The following AGPAT5 variants were observed in gnomAD, a reference collection of about 807,000 sequenced individuals.
AGPAT5 encodes 1-acylglycerol-3-phosphate O-acyltransferase 5.
In AGPAT5, 46 loss-of-function variants were observed where a neutral mutation model predicts 45.6. That is an observed-to-expected ratio of 1.01 (90% confidence interval 0.80 to 1.29). The LOEUF is 1.29. Among genes scored for constraint, AGPAT5 ranks in the 50% most tolerant of loss-of-function variants. The probability of loss-of-function intolerance (pLI) is 0.00; values close to 1 mark genes in which losing one functional copy is unlikely to be tolerated. For missense variants in AGPAT5, 673 were observed against 450.7 expected (o/e 1.49, Z -4.47); for synonymous variants, 272 against 167.0 (o/e 1.63, Z -4.85).
chr8:6,723,459 C>G (rs571703926), intron 1 of AGPAT5, among the ~76,000 whole-genome samples: 1 of 152,148 alleles, frequency 6.6e-6, no homozygotes, highest in African/African-American at 2.4e-5. Flanking sequence ...ACCCCGCCCG[C>G]CCACTCCACC....
rs147047494 is a variant in AGPAT5, at chr8:6,757,164, A to G, written c.871A>G (p.Met291Val). The G allele has an allele frequency of 1.6e-3, 2,560 of 1,612,028 alleles. 37 individuals carry two copies. The highest frequency in any genetic ancestry group is 5.8e-4 in the Non-Finnish European group (684 of 1,179,032). ...LHERFEIKDKMLIEFYESPDP... is the reference protein window; with the variant it reads ...LHERFEIKDKVLIEFYESPDP... ...AAACTTTTTCCATTCTGGCCATAGG[A>G]TGCTTATAGAATTTTATGAGTCACC... is the stretch of plus-strand genomic sequence containing the variant. Residue 291 changes from methionine (M) to valine (V), a missense_variant and splice_region_variant, in exon 8 of 8, where the codon ATG becomes GTG. Met to Val is a conservative substitution (Grantham distance 21). Transcript: ENST00000285518.
intron 4 of AGPAT5, chr8:6,738,557 A>C (rs965932074): frequency 6.6e-6 from 1 of 152,244 alleles, no homozygotes; most frequent in African/African-American, 2.4e-5. Context: ...TGAGGTGAGC[A>C]CATACTGTTG....
intron 6 of AGPAT5, among the ~76,000 whole-genome samples, chr8:6,748,080 A>T (rs750308210): frequency 1.3e-5 from 2 of 152,118 alleles, no homozygotes; most frequent in Non-Finnish European, 2.9e-5. Flanking sequence ...TTTCTACTCA[A>T]AGTTCACACT....
intron 1 of AGPAT5, among the ~76,000 whole-genome samples, chr8:6,714,585 C>G (rs1316235005): frequency 1.3e-5 from 2 of 152,240 alleles, no homozygotes; most frequent in East Asian, 1.9e-4. Flanking sequence ...CATTCAAACA[C>G]TGCCACAATA....
Position 6,760,069 on chromosome 8 carries a change from A to C in AGPAT5, c.*2681A>C, listed in dbSNP as rs916831672. On this transcript the variant is annotated 3_prime_UTR_variant, in exon 8 of 8. Coordinates refer to ENST00000285518, the MANE Select transcript of AGPAT5 (RefSeq NM_018361.5). Reference sequence around the variant, plus strand: ...ATTTAGAGTGGCAACAATTTTGCTTAATATGGGTTACATAAGCTTTATTTT... The same window carrying C: ...ATTTAGAGTGGCAACAATTTTGCTTCATATGGGTTACATAAGCTTTATTTT... Among the ~76,000 whole-genome samples the C allele has an allele frequency of 3.9e-5, 6 of 152,196 alleles. No individual in the cohort carries two copies. The highest frequency in any genetic ancestry group is 7.3e-5 in the Non-Finnish European group (5 of 68,040).
chr8:6,731,177 T>C (rs1163246798), intron 3 of AGPAT5, among the ~76,000 whole-genome samples: 2 of 152,220 alleles, frequency 1.3e-5, no homozygotes, highest in Non-Finnish European at 2.9e-5. Flanking sequence ...AAATGTTATA[T>C]TTTAAAATTT....
chr8:6,719,650 A>G (rs1800438963), intron 1 of AGPAT5, among the ~76,000 whole-genome samples: 2 of 152,222 alleles, frequency 1.3e-5, no homozygotes, highest in Admixed American at 1.3e-4. Flanking sequence ...ACACCCCTGG[A>G]GATGGGTAGC....
chr8:6,718,913 T>G (rs1251633610), intron 1 of AGPAT5, among the ~76,000 whole-genome samples: 5 of 152,236 alleles, frequency 3.3e-5, no homozygotes, highest in African/African-American at 1.2e-4. Flanking sequence ...AGCAAGTACC[T>G]TAGAACTCTG....
rs540612416 is a variant in AGPAT5, at chr8:6,732,964, A to G, written c.495+314A>G. Among the ~76,000 whole-genome samples, 22 of 152,320 alleles carry G rather than the reference A, an allele frequency of 1.4e-4. No homozygotes were observed. The South Asian group carries it at 4.6e-3, about 32-fold the overall frequency. Reference sequence around the variant, plus strand: ...AACCTGACATTTAAGCTAGTTTACAAGCTCATCTTACTTCTTGTCTTCTTT... The same window carrying G: ...AACCTGACATTTAAGCTAGTTTACAGGCTCATCTTACTTCTTGTCTTCTTT... On this transcript the variant is annotated intron_variant, in intron 4 of 7. Coordinates refer to ENST00000285518, the MANE Select transcript of AGPAT5 (RefSeq NM_018361.5).
chr8:6,718,024 T>A (rs1800387923), intron 1 of AGPAT5, among the ~76,000 whole-genome samples: 1 of 152,206 alleles, frequency 6.6e-6, no homozygotes, highest in African/African-American at 2.4e-5. Context: ...AGTCTCAAGA[T>A]TCTCGTCCTT....
At chr8:6,717,533 C>A (rs1203660555) in intron 1 of AGPAT5, among the ~76,000 whole-genome samples, 2 of 152,128 alleles carry the variant, frequency 1.3e-5, no homozygotes, top group African/African-American at 4.8e-5. Flanking sequence ...AAAGATGTCA[C>A]TTAAAAGAAA....
chr8:6,708,938 G>T (rs749412458), intron 1 of AGPAT5, 51 bp downstream of exon 1: 4 of 1,537,626 alleles, frequency 2.6e-6, no homozygotes, highest in Non-Finnish European at 2.6e-6. Context: ...GCTCCCGGGG[G>T]CGCGGACCTC....
chr8:6,744,180 G>A (rs1018381213), intron 5 of AGPAT5, among the ~76,000 whole-genome samples: 2 of 151,970 alleles, frequency 1.3e-5, no homozygotes, highest in Non-Finnish European at 2.9e-5. Flanking sequence ...ATGGGAAAAG[G>A]GCATGAATAA....
Position 6,761,231 on chromosome 8 carries a change from G to A in AGPAT5, c.*3843G>A, listed in dbSNP as rs964113120. 6.6e-6 allele frequency among the ~76,000 whole-genome samples: 1 copy of A among 152,182 alleles called. No homozygotes were observed. Among genetic ancestry groups the A allele is most frequent in the Non-Finnish European group, 1.5e-5 (1 of 68,028 alleles). On this transcript the variant is annotated 3_prime_UTR_variant, in exon 8 of 8. Transcript: ENST00000285518. ...ACAAACTCTCAACAAAATGTTTATT[G>A]ATGTTGATGAAACAGATCAGTTTTT...
intron 1 of AGPAT5, among the ~76,000 whole-genome samples, chr8:6,719,013 A>G (rs1030712461): frequency 6.6e-6 from 1 of 152,220 alleles, no homozygotes; most frequent in Non-Finnish European, 1.5e-5. Flanking sequence ...ATAACAGGCT[A>G]TGAATGAGTA....
At chr8:6,732,151 A>G (rs751784609) in intron 3 of AGPAT5, among the ~76,000 whole-genome samples, 1 of 142,630 alleles carries the variant, frequency 7.0e-6, no homozygotes, top group South Asian at 2.3e-4. Context: ...AGCAGGATTG[A>G]TTTTTTAAAA....
intron 1 of AGPAT5, among the ~76,000 whole-genome samples, chr8:6,714,863 T>C (rs895004399): frequency 2.0e-5 from 3 of 152,248 alleles, no homozygotes; most frequent in African/African-American, 7.2e-5. Context: ...CTAGTTTACT[T>C]TCCCTCTTTT....
At chr8:6,737,988 G>C (rs2116918389) in intron 4 of AGPAT5, among the ~76,000 whole-genome samples, 1 of 152,348 alleles carries the variant, frequency 6.6e-6, no homozygotes, top group Admixed American at 6.5e-5. Context: ...CTTTAAGGGA[G>C]TGTTGTGGCT....
intron 1 of AGPAT5, among the ~76,000 whole-genome samples, chr8:6,711,390 C>G (rs1364095948): frequency 6.6e-6 from 1 of 152,188 alleles, no homozygotes; most frequent in African/African-American, 2.4e-5. Flanking sequence ...TAAAATTGTT[C>G]CTTATAACTC....
Sources: gnomAD v4.1 joint callset for allele counts (sites outside exome capture counted in the v4.1 genomes callset) on GRCh38, gnomAD v4.1.1 for gene constraint, MANE v1.5 for transcripts, NCBI Gene and HGNC (gene_info 2026-07-23, HGNC 2026-07-21) for gene names.